The following AURKC variants were observed in gnomAD, a reference collection of about 807,000 sequenced individuals.
AURKC encodes aurora kinase C, also known as ARK-3.
A neutral mutation model predicts 29.2 loss-of-function variants in AURKC; 15 were observed. That is an observed-to-expected ratio of 0.51 (90% CI 0.34 to 0.79). The LOEUF (loss-of-function observed/expected upper bound fraction) is 0.79, where lower values mean the gene tolerates loss of function less well. AURKC is among the 30% of genes least tolerant of loss of function. The pLI, the probability that AURKC is intolerant of heterozygous loss-of-function variation, is 0.01. For missense variants in AURKC, 332 were observed against 383.2 expected, an observed-to-expected ratio of 0.87 and a Z score of 1.12; for synonymous variants, 150 against 149.9, an observed-to-expected ratio of 1.00 and a Z score of -0.01.
rs2087516264 is a variant in AURKC at position 57,233,616 on chromosome 19, AGGT to A, written c.584+18_584+20del. 1 of 1,613,472 alleles carries A rather than the reference AGGT, an allele frequency of 6.2e-7. No homozygotes were observed. Among genetic ancestry groups the A allele is most frequent in the Non-Finnish European group, 8.5e-7 (1 of 1,179,978 alleles). ...GCACACCCCCTCCCTGAGGTAGGTC[AGGT>A]GGTGGTGGTAGGGTGAGTTCTGAGT... is the stretch of plus-strand genomic sequence containing the variant. On this transcript the variant is annotated intron_variant, in intron 5 of 6. Transcript: ENST00000302804.
At chr19:57,231,892 T>G in intron 2 of AURKC, 105 bp downstream of exon 2, 2 of 1,606,116 alleles carry the variant, frequency 1.2e-6, no homozygotes, top group South Asian at 2.2e-5. Context: ...CGAGAACTAC[T>G]GATAGGGCTG....
intron 5 of AURKC, 125 bp from the exon 6 acceptor site, chr19:57,234,759 T>C: frequency 8.7e-7 from 1 of 1,148,312 alleles, no homozygotes; most frequent in Non-Finnish European, 1.3e-6. Flanking sequence ...TCCAAACTCC[T>C]GTGCTTGGGA....
rs1373200287 is a variant in AURKC, at chr19:57,235,379, C to G, written c.892C>G (p.Arg298Gly). Reference protein sequence around the residue: ...LKHPWVQAHSRRVLPPCAQMA... With the variant: ...LKHPWVQAHSGRVLPPCAQMA... ...GCACCCCTGGGTTCAGGCCCACTCC[C>G]GAAGGGTGCTGCCTCCCTGTGCTCA... The change falls in exon 7 of 7, where the codon CGA becomes GGA. Residue 298 changes from arginine (R) to glycine (G), a missense_variant. Transcript: ENST00000302804. 1 of 1,614,088 alleles carries G rather than the reference C, an allele frequency of 6.2e-7. No individual in the cohort carries two copies. The highest frequency in any genetic ancestry group is 2.2e-5 in the East Asian group (1 of 44,876).
chr19:57,231,603 C>T (rs1262448908), intron 1 of AURKC, 139 bp from the exon 2 acceptor site: 3 of 932,720 alleles, frequency 3.2e-6, no homozygotes, highest in Non-Finnish European at 5.0e-6. Flanking sequence ...TTCCCCTTCC[C>T]TCTCTTTCTC....
Position 57,231,111 on chromosome 19 carries a change from A to T in AURKC, c.-138A>T, listed in dbSNP as rs753731940. 6.5e-7 allele frequency: 1 copy of T among 1,529,042 alleles called. No homozygotes were observed. Among genetic ancestry groups the T allele is most frequent in the African/African-American group, 1.4e-5 (1 of 72,256 alleles). The allele number at this position is 1,529,042 out of a possible 1,614,324, so 94.7% of individuals were successfully genotyped here. ...CCCGAAGCCTGTGTAGCAGTGAGAC[A>T]TCAGTGAGGCTGCAGGACGAGCAGG... On this transcript the variant is annotated 5_prime_UTR_variant, in exon 1 of 7. Coordinates refer to ENST00000302804, the MANE Select transcript of AURKC (RefSeq NM_001015878.2).
At position 57,235,383 on chromosome 19, in the gene AURKC, G is replaced by C. The variant is rs544419764; in HGVS notation, c.896G>C (p.Arg299Thr). The change falls in exon 7 of 7, where the codon AGG becomes ACG. Residue 299 changes from arginine (R) to threonine (T), a missense_variant. Physicochemically the swap from Arg to Thr is moderately conservative, Grantham distance 71 (BLOSUM62 -1). Transcript: ENST00000302804. ...CCCTGGGTTCAGGCCCACTCCCGAA[G>C]GGTGCTGCCTCCCTGTGCTCAGATG... ...KHPWVQAHSRRVLPPCAQMAS is the reference protein window; with the variant it reads ...KHPWVQAHSRTVLPPCAQMAS 6.8e-6 allele frequency: 11 copies of C among 1,614,046 alleles called. No individual in the cohort carries two copies. The East Asian group carries it at 2.5e-4, about 36-fold the overall frequency.
intron 5 of AURKC, among the ~76,000 whole-genome samples, chr19:57,234,048 CTTTT>C (rs2087521041): frequency 8.7e-6 from 1 of 115,448 alleles, no homozygotes; most frequent in African/African-American, 3.4e-5. Context: ...CTGCCTTTTT[CTTTT>C]CTTTTTTTTT....
rs2087538445 is a variant in AURKC at position 57,235,527 on chromosome 19, A to T, written c.*110A>T. The T allele has an allele frequency of 7.6e-7, 1 of 1,321,816 alleles. No homozygotes were observed. The highest frequency in any genetic ancestry group is 1.4e-5 in the African/African-American group (1 of 69,204). The allele number at this position is 1,321,816 out of a possible 1,614,324, so 81.9% of individuals were successfully genotyped here. A position where few individuals can be genotyped will look rare whatever the true frequency, so the allele number is the denominator to read the frequency against. On this transcript the variant is annotated 3_prime_UTR_variant, in exon 7 of 7. Transcript: ENST00000302804. The stretch of plus-strand genomic sequence containing the variant: ...TTAAGATGTAAGATGCTAATTAATA[A>T]AAGCTGAATCATTTCATACCAGCTC...
At chr19:57,231,652 C>T in intron 1 of AURKC, 90 bp from the exon 2 acceptor site, 1 of 1,478,436 alleles carries the variant, frequency 6.8e-7, no homozygotes, top group African/African-American at 1.4e-5. Context: ...TCCCTATTCC[C>T]TTCTCTACTG....
intron 5 of AURKC, among the ~76,000 whole-genome samples, chr19:57,234,011 C>T (rs190007579): frequency 1.3e-5 from 2 of 150,644 alleles, no homozygotes; most frequent in African/African-American, 4.9e-5. Flanking sequence ...GGATTACAGG[C>T]GTCAGCCACC....
intron 1 of AURKC, 44 bp from the exon 2 acceptor site, chr19:57,231,698 C>T (rs1240413793): frequency 6.2e-7 from 1 of 1,609,020 alleles, no homozygotes; most frequent in Non-Finnish European, 8.5e-7. Context: ...CTTCTCCTTC[C>T]CTCCCCTCTC....
At chr19:57,231,987 C>T (rs755370069) in intron 2 of AURKC, 46 bp from the exon 3 acceptor site, 44 of 1,612,734 alleles carry the variant, frequency 2.7e-5, no homozygotes, top group Non-Finnish European at 3.6e-5. Flanking sequence ...TTCCCTCCGC[C>T]TACCCTACCT....
At chr19:57,233,418 G>T (rs1215261071) in intron 4 of AURKC, 42 bp from the exon 5 acceptor site, 39 of 1,613,942 alleles carry the variant, frequency 2.4e-5, no homozygotes, top group Non-Finnish European at 3.2e-5. Context: ...CGGAAATTGT[G>T]GCAGGCTTCA....
In AURKC at chr19:57,232,941, C is replaced by T. The variant is rs1294393464; in HGVS notation, c.435+261C>T. On this transcript the variant is annotated intron_variant, in intron 4 of 6. Transcript: ENST00000302804. The surrounding 1 kb of genome is among the most constrained non-coding windows in gnomAD (Gnocchi z 4.5). ...TGGTTATAAGCAACAGAATCTAACTCCACTGCCTTATGTAAAGAAACATAT... is the reference window on the plus strand; with the variant it reads ...TGGTTATAAGCAACAGAATCTAACTTCACTGCCTTATGTAAAGAAACATAT... 6.6e-6 allele frequency among the ~76,000 whole-genome samples: 1 copy of T among 152,140 alleles called. No homozygotes were observed. Among genetic ancestry groups the T allele is most frequent in the Non-Finnish European group, 1.5e-5 (1 of 68,030 alleles).
Position 57,232,777 on chromosome 19 carries a change from G to T in AURKC, c.435+97G>T. 6.6e-7 allele frequency: 1 copy of T among 1,513,844 alleles called. No homozygotes were observed. Among genetic ancestry groups the T allele is most frequent in the South Asian group, 1.1e-5 (1 of 88,216 alleles). 93.8% of individuals were successfully genotyped at this position (1,513,844 alleles called of 1,614,324 possible). ...GTCAGGAGGGTCCGCATTGCCTTCT[G>T]AGAAGTTTACTTCTGAATGTTATTG... On this transcript the variant is annotated intron_variant, in intron 4 of 6. Coordinates refer to ENST00000302804, the MANE Select transcript of AURKC (RefSeq NM_001015878.2). This position sits in a 1 kb window ranked among gnomAD's most constrained non-coding sequence, Gnocchi z 4.5.
chr19:57,231,095 TGTGTAGCAGTGAGACATCA>T lies in AURKC; in HGVS notation c.-150_-132del, dbSNP rs2087481604. 2.6e-6 allele frequency: 4 copies of T among 1,516,568 alleles called. No homozygotes were observed. The allele number at this position is 1,516,568 out of a possible 1,614,324, so 93.9% of individuals were successfully genotyped here. A position where few individuals can be genotyped will look rare whatever the true frequency, so the allele number is the denominator to read the frequency against. ...TCACGACGCCGCGGATCCCGAAGCC[TGTGTAGCAGTGAGACATCA>T]GTGAGGCTGCAGGACGAGCAGGATT... On this transcript the variant is annotated 5_prime_UTR_variant, in exon 1 of 7. Transcript: ENST00000302804.
Position 57,231,834 on chromosome 19 carries a change from G to T in AURKC, c.104+47G>T, listed in dbSNP as rs370103974. On this transcript the variant is annotated intron_variant, in intron 2 of 6. Transcript: ENST00000302804. ...TCTGGAAAAGGAAGGAAGGTGGGAC[G>T]TGGGGATGAAGAACAGACTGGGTGT... 13 of 1,613,948 alleles carry T rather than the reference G, an allele frequency of 8.1e-6. No homozygotes were observed. In the African/African-American group the frequency reaches 1.6e-4, roughly 20 times the overall value.
rs772439719 is a variant in AURKC at position 57,233,471 on chromosome 19, G to A, written c.447G>A (p.Glu149=). Residue 149 remains glutamate, a synonymous_variant, in exon 5 of 7, where the codon GAG becomes GAA. Coordinates refer to ENST00000302804, the MANE Select transcript of AURKC (RefSeq NM_001015878.2). ...DEQRTATIIE[E]LADALTYCHD... is the part of the protein sequence containing the mutation. ...CTTTGCACCCACAGATAATAGAGGA[G>A]TTGGCAGATGCCCTGACCTACTGCC... The A allele has an allele frequency of 1.2e-6, 2 of 1,614,198 alleles. No individual in the cohort carries two copies. The highest frequency in any genetic ancestry group is 1.7e-6 in the Non-Finnish European group (2 of 1,180,024).
chr19:57,235,319 C>T lies in AURKC; in HGVS notation c.832C>T (p.Pro278Ser). ...DLISRLLRYQ[P>S]LERLPLAQIL... ...GATTTCCAGGCTTCTCAGATACCAG[C>T]CCTTGGAGAGACTGCCCCTGGCCCA... is the stretch of plus-strand genomic sequence containing the variant. The change falls in exon 7 of 7, where the codon CCC becomes TCC. Residue 278 changes from proline to serine, a missense_variant. Coordinates refer to ENST00000302804, the MANE Select transcript of AURKC (RefSeq NM_001015878.2). 1.2e-6 allele frequency: 2 copies of T among 1,614,140 alleles called. No individual in the cohort carries two copies. Among genetic ancestry groups the T allele is most frequent in the South Asian group, 2.2e-5 (2 of 91,082 alleles).
Sources: gnomAD v4.1 joint callset for allele counts (sites outside exome capture counted in the v4.1 genomes callset) on GRCh38, gnomAD v4.1.1 for gene constraint, Gnocchi (gnomAD v3.1) non-coding constraint, MANE v1.5 for transcripts, NCBI Gene and HGNC (gene_info 2026-07-23, HGNC 2026-07-21) for gene names.